FRMD4A: variants seen among roughly 807,000 people sequenced by gnomAD.
The protein encoded by FRMD4A is FERM domain-containing protein 4A.
In FRMD4A, 29 loss-of-function variants were observed where a neutral mutation model predicts 129.1. That is an observed-to-expected ratio of 0.22 (90% CI 0.17 to 0.31). The LOEUF (loss-of-function observed/expected upper bound fraction) is 0.31, where lower values mean the gene tolerates loss of function less well. FRMD4A is among the 10% of genes least tolerant of loss of function. The probability of loss-of-function intolerance (pLI) is 1.00; values close to 1 mark genes in which losing one functional copy is unlikely to be tolerated. For synonymous variants in FRMD4A, 634 were observed against 571.6 expected, an observed-to-expected ratio of 1.11 and a Z score of -1.56; for missense variants, 1,272 against 1,375.8, an observed-to-expected ratio of 0.92 and a Z score of 1.19.
intron 2 of FRMD4A, among the ~76,000 whole-genome samples, chr10:13,918,607 C>A (rs1183082562): frequency 1.3e-5 from 2 of 152,096 alleles, no homozygotes; most frequent in African/African-American, 4.8e-5. Flanking sequence ...CGGCTCACTG[C>A]AACCTCTGCC....
chr10:13,809,520 A>AG (rs990753316), intron 4 of FRMD4A, among the ~76,000 whole-genome samples: 1 of 36,038 alleles, frequency 2.8e-5, no homozygotes, highest in African/African-American at 5.5e-5. Flanking sequence ...AAAAGCTTTT[A>AG]AAAAAATTGC....
intron 2 of FRMD4A, among the ~76,000 whole-genome samples, chr10:14,264,291 A>G (rs1388146698): frequency 6.6e-6 from 1 of 152,152 alleles, no homozygotes; most frequent in Non-Finnish European, 1.5e-5. Context: ...TTTATCTTTT[A>G]TCCCAGGTTC....
chr10:13,879,237 A>C lies in FRMD4A; in HGVS notation c.46-20325T>G, dbSNP rs1168224205. Among the ~76,000 whole-genome samples, 3 of 152,302 alleles carry C rather than the reference A, an allele frequency of 2.0e-5. No homozygotes were observed. In the East Asian group the frequency reaches 5.8e-4, roughly 29 times the overall value. On this transcript the variant is annotated intron_variant, in intron 2 of 24. Coordinates refer to ENST00000357447, the MANE Select transcript of FRMD4A (RefSeq NM_018027.5). Reference sequence around the variant, plus strand: ...AACACAGTGAGACCCCATCTCTAAAAAAAAATACAAAAATTAGCCGGGTGT... The same window carrying C: ...AACACAGTGAGACCCCATCTCTAAACAAAAATACAAAAATTAGCCGGGTGT...
At chr10:14,185,879 G>C (rs961778515) in intron 2 of FRMD4A, among the ~76,000 whole-genome samples, 1 of 152,194 alleles carries the variant, frequency 6.6e-6, no homozygotes, top group African/African-American at 2.4e-5. Context: ...GTGAGATAAA[G>C]TGGTAACAGC....
chr10:13,783,050 C>A (rs755230152), intron 5 of FRMD4A, 44 bp from the exon 6 acceptor site: 3 of 804,342 alleles, frequency 3.7e-6, no homozygotes, highest in Non-Finnish European at 6.8e-6. Flanking sequence ...ACAGCAGGTG[C>A]AGAAAATAAA....
At chr10:14,035,908 G>T (rs1833477729) in intron 2 of FRMD4A, among the ~76,000 whole-genome samples, 1 of 152,114 alleles carries the variant, frequency 6.6e-6, no homozygotes, top group Non-Finnish European at 1.5e-5. Flanking sequence ...CAGGCGTGGT[G>T]GTTGGCGCCT....
intron 19 of FRMD4A, among the ~76,000 whole-genome samples, chr10:13,661,205 A>T (rs914099558): frequency 6.6e-6 from 1 of 152,234 alleles, no homozygotes; most frequent in Non-Finnish European, 1.5e-5. Context: ...TACAAAGATT[A>T]TGTATTAATA....
intron 21 of FRMD4A, 48 bp downstream of exon 21, chr10:13,659,274 AT>A (rs755003146): frequency 1.9e-6 from 3 of 1,566,046 alleles, no homozygotes; most frequent in Non-Finnish European, 2.6e-6. Context: ...ACAATGCCCA[AT>A]TTTAAAAAGG....
At chr10:13,985,412 G>A (rs1199574384) in intron 2 of FRMD4A, among the ~76,000 whole-genome samples, 2 of 152,192 alleles carry the variant, frequency 1.3e-5, no homozygotes, top group Non-Finnish European at 2.9e-5. Flanking sequence ...GGTTTGAGGG[G>A]TTGGTGGCTA....
At chr10:14,018,732 A>G (rs910903069) in intron 2 of FRMD4A, among the ~76,000 whole-genome samples, 6 of 152,184 alleles carry the variant, frequency 3.9e-5, no homozygotes, top group Admixed American at 6.5e-5. Flanking sequence ...GAACTAGGAC[A>G]TTGTTCTTTT....
chr10:14,140,663 A>G (rs942799866), intron 2 of FRMD4A, among the ~76,000 whole-genome samples: 4 of 152,214 alleles, frequency 2.6e-5, no homozygotes, highest in South Asian at 2.1e-4. Flanking sequence ...GGTGGCTCCA[A>G]AGTTTTCTCC....
chr10:14,324,750 T>C (rs2132125271), intron 2 of FRMD4A, among the ~76,000 whole-genome samples: 1 of 152,336 alleles, frequency 6.6e-6, no homozygotes, highest in East Asian at 1.9e-4. Context: ...AACCTCTGCC[T>C]CCTTGGTTCA....
intron 2 of FRMD4A, among the ~76,000 whole-genome samples, chr10:13,980,793 C>A (rs1045848749): frequency 1.3e-5 from 2 of 152,168 alleles, no homozygotes; most frequent in African/African-American, 4.8e-5. Flanking sequence ...AAAGTCTTCT[C>A]ATGAAACCAC....
chr10:13,968,831 A>C (rs536701957), intron 2 of FRMD4A, among the ~76,000 whole-genome samples: 2 of 121,712 alleles, frequency 1.6e-5, no homozygotes, highest in East Asian at 4.2e-4. Flanking sequence ...GCTAGGAGTG[A>C]CTAACAGATT....
intron 2 of FRMD4A, among the ~76,000 whole-genome samples, chr10:14,222,343 T>G (rs1843288565): frequency 6.6e-6 from 1 of 152,198 alleles, no homozygotes; most frequent in Admixed American, 6.5e-5. Flanking sequence ...AACGTGGAAG[T>G]AGAGGTGCTC....
chr10:13,755,028 AT>A (rs767007621), intron 8 of FRMD4A, among the ~76,000 whole-genome samples: 27 of 152,340 alleles, frequency 1.8e-4, no homozygotes, highest in Non-Finnish European at 2.9e-4. Context: ...GGGAAATGAT[AT>A]TGGTATACTA....
Position 13,644,861 on chromosome 10 carries a change from C to A in FRMD4A, c.*2177G>T, listed in dbSNP as rs1461195963. The A allele has an allele frequency of 6.6e-6, 1 of 152,226 alleles. No individual in the cohort carries two copies. The highest frequency in any genetic ancestry group is 1.9e-4 in the East Asian group (1 of 5,202). 9.4% of individuals were successfully genotyped at this position (152,226 alleles called of 1,614,324 possible). The stretch of plus-strand genomic sequence containing the variant: ...GAAAGTAAAAGCAACAAAAATATCC[C>A]CCAGTGAATCCCTAGAATCATTTAA... On this transcript the variant is annotated 3_prime_UTR_variant, in exon 25 of 25. Transcript: ENST00000357447.
At chr10:13,967,292 G>T (rs1000028907) in intron 2 of FRMD4A, among the ~76,000 whole-genome samples, 2 of 152,046 alleles carry the variant, frequency 1.3e-5, no homozygotes, top group African/African-American at 4.8e-5. Context: ...AGCTGAGATC[G>T]CGCCACTGCA....
chr10:13,858,937 C>T, intron 2 of FRMD4A, 25 bp from the exon 3 acceptor site: 1 of 1,416,106 alleles, frequency 7.1e-7, no homozygotes, highest in African/African-American at 1.4e-5. Context: ...AAATGGTAGT[C>T]ACTGAGAGTC....
Sources: allele counts gnomAD v4.1 joint callset (sites outside exome capture counted in the v4.1 genomes callset), GRCh38; gene constraint gnomAD v4.1.1; transcripts MANE v1.5; gene names NCBI Gene and HGNC (gene_info 2026-07-23, HGNC 2026-07-21).